The following FAM114A2 variants were observed in gnomAD, a reference collection of about 807,000 sequenced individuals.
The protein encoded by FAM114A2 is family with sequence similarity 114 member A2.
FAM114A2 carries 53 observed loss-of-function variants against 58.4 expected under a neutral mutation model. That is an observed-to-expected ratio of 0.91 (90% CI 0.73 to 1.14). FAM114A2 has a LOEUF of 1.14. FAM114A2 is among the 50% of genes most tolerant of loss of function. The pLI, the probability that FAM114A2 is intolerant of heterozygous loss-of-function variation, is 0.00. For synonymous variants in FAM114A2, 228 were observed against 211.4 expected, an observed-to-expected ratio of 1.08 and a Z score of -0.68; for missense variants, 601 against 581.1, an observed-to-expected ratio of 1.03 and a Z score of -0.35.
rs1201071168 is a variant in FAM114A2, at chr5:154,002,734, A to G, written c.1116+113T>C. The G allele has an allele frequency of 1.0e-5, 11 of 1,073,838 alleles. No homozygotes were observed. In the Admixed American group the frequency reaches 2.1e-4, roughly 20 times the overall value. 66.5% of individuals were successfully genotyped at this position (1,073,838 alleles called of 1,614,324 possible). ...TGGATCTAAGATGCTACAATCCTAGATCACAAGGTTGAAATTACGGACAGC... is the reference window on the plus strand; with the variant it reads ...TGGATCTAAGATGCTACAATCCTAGGTCACAAGGTTGAAATTACGGACAGC... On this transcript the variant is annotated intron_variant, in intron 10 of 13. Coordinates refer to ENST00000351797, the MANE Select transcript of FAM114A2 (RefSeq NM_018691.4).
At chr5:154,035,658 G>A (rs1005233597) in intron 1 of FAM114A2, among the ~76,000 whole-genome samples, 2 of 152,144 alleles carry the variant, frequency 1.3e-5, no homozygotes, top group Non-Finnish European at 2.9e-5. Flanking sequence ...TTCATGTATA[G>A]GTTTTTGGGG....
intron 4 of FAM114A2, among the ~76,000 whole-genome samples, chr5:154,032,536 C>T (rs981250563): frequency 3.3e-5 from 5 of 152,144 alleles, no homozygotes; most frequent in African/African-American, 4.8e-5. Context: ...ATGCCCAAAA[C>T]GCACTCTCTC....
intron 8 of FAM114A2, among the ~76,000 whole-genome samples, chr5:154,015,096 T>C (rs973696064): frequency 3.9e-5 from 6 of 152,096 alleles, no homozygotes; most frequent in African/African-American, 9.7e-5. Flanking sequence ...CATAACTCCA[T>C]TGACCTGGAC....
At chr5:154,035,236 A>T (rs913787860) in intron 1 of FAM114A2, among the ~76,000 whole-genome samples, 6 of 152,138 alleles carry the variant, frequency 3.9e-5, no homozygotes, top group Non-Finnish European at 7.4e-5. Context: ...GTTCTATAAA[A>T]TTTTATCGCA....
chr5:154,011,399 G>A (rs1036269546), intron 8 of FAM114A2, 79 bp from the exon 9 acceptor site: 59 of 892,918 alleles, frequency 6.6e-5, no homozygotes, highest in Non-Finnish European at 1.1e-4. Context: ...AGGAAGAGGA[G>A]AGGAGTGGTA....
At chr5:154,004,298 T>C (rs1007619371) in intron 9 of FAM114A2, among the ~76,000 whole-genome samples, 1 of 152,204 alleles carries the variant, frequency 6.6e-6, no homozygotes, top group African/African-American at 2.4e-5. Flanking sequence ...CAGTATCTTT[T>C]ATATATTGAT....
chr5:154,003,594 T>C (rs1332383246), intron 9 of FAM114A2, among the ~76,000 whole-genome samples: 5 of 152,188 alleles, frequency 3.3e-5, no homozygotes, highest in African/African-American at 4.8e-5. Flanking sequence ...GATCAAGATA[T>C]AGAATATTTC....
rs1769207591 is a variant in FAM114A2 at position 153,990,381 on chromosome 5, T to A, written c.*2595A>T. The A allele has an allele frequency of 6.6e-6, 1 of 152,196 alleles. No individual in the cohort carries two copies. Among genetic ancestry groups the A allele is most frequent in the Middle Eastern group, 3.4e-3 (1 of 292 alleles). 9.4% of individuals were successfully genotyped at this position (152,196 alleles called of 1,614,324 possible). On this transcript the variant is annotated 3_prime_UTR_variant, in exon 14 of 14. Coordinates refer to ENST00000351797, the MANE Select transcript of FAM114A2 (RefSeq NM_018691.4). ...AACCCACAAGATCTTGTTCTTTGAT[T>A]ACAGGATTGAAAAATTCACATTTGT...
intron 3 of FAM114A2, among the ~76,000 whole-genome samples, 154 bp downstream of exon 3, chr5:154,034,124 G>GTA (rs1390584016): frequency 6.6e-6 from 1 of 152,172 alleles, no homozygotes; most frequent in Non-Finnish European, 1.5e-5. Context: ...TCTAGTGGCA[G>GTA]TATATATCAG....
rs1021636379 is a variant in FAM114A2, at chr5:154,011,263, G to T, written c.971C>A (p.Ser324Tyr). ...TELFSQLHVS[S>Y]KPEKLARARN... ...TACCCTGGCAAGTTTCTCTGGTTTG[G>T]AGGAAACGTGCAGCTGGGAAAACAG... The change falls in exon 9 of 14, where the codon TCC becomes TAC. Residue 324 changes from serine (S) to tyrosine (Y), a missense_variant. Coordinates refer to ENST00000351797, the MANE Select transcript of FAM114A2 (RefSeq NM_018691.4). The T allele has an allele frequency of 1.9e-6, 3 of 1,611,746 alleles. No homozygotes were observed. Among genetic ancestry groups the T allele is most frequent in the Non-Finnish European group, 2.5e-6 (3 of 1,178,656 alleles).
chr5:154,029,093 T>C (rs1349441151), intron 5 of FAM114A2, among the ~76,000 whole-genome samples: 4 of 152,242 alleles, frequency 2.6e-5, no homozygotes, highest in African/African-American at 9.6e-5. Flanking sequence ...TTTTTAATCA[T>C]ACATAGTTTT....
chr5:154,016,043 G>T (rs879699326), intron 8 of FAM114A2, among the ~76,000 whole-genome samples: 2 of 151,938 alleles, frequency 1.3e-5, no homozygotes, highest in Admixed American at 6.6e-5. Flanking sequence ...CATAGACAAG[G>T]CCTTCAAATT....
chr5:154,021,526 A>G (rs934922062), intron 8 of FAM114A2, among the ~76,000 whole-genome samples: 43 of 152,248 alleles, frequency 2.8e-4, no homozygotes, highest in African/African-American at 1.0e-3. Flanking sequence ...GAGCCAAATC[A>G]TGAGTGAACT....
intron 12 of FAM114A2, among the ~76,000 whole-genome samples, chr5:153,996,656 T>C (rs1409074049): frequency 1.3e-5 from 2 of 151,598 alleles, no homozygotes; most frequent in African/African-American, 4.8e-5. Context: ...GAAATAGATA[T>C]TTCTCCAGAG....
In FAM114A2 at chr5:154,011,270, C is replaced by T. The variant is rs767786508; in HGVS notation, c.964G>A (p.Val322Ile). 5.6e-6 allele frequency: 9 copies of T among 1,611,824 alleles called. No individual in the cohort carries two copies. The highest frequency in any genetic ancestry group is 4.5e-5 in the East Asian group (2 of 44,828). The part of the protein sequence containing the change: ...DITELFSQLH[V>I]SSKPEKLARA... ...GCAAGTTTCTCTGGTTTGGAGGAAA[C>T]GTGCAGCTGGGAAAACAGCTCTGTT... Residue 322 changes from valine to isoleucine, a missense_variant, in exon 9 of 14, where the codon GTT (valine) becomes ATT (isoleucine). By Grantham distance (29) the Val-to-Ile change is conservative. Coordinates refer to ENST00000351797, the MANE Select transcript of FAM114A2 (RefSeq NM_018691.4).
chr5:154,025,492 A>G (rs1175710614), intron 8 of FAM114A2, among the ~76,000 whole-genome samples: 1 of 152,162 alleles, frequency 6.6e-6, no homozygotes, highest in Non-Finnish European at 1.5e-5. Flanking sequence ...ATTATGATGC[A>G]GAGTTCTGAC....
chr5:154,030,107 A>G (rs59600614), intron 4 of FAM114A2, among the ~76,000 whole-genome samples: 5,703 of 152,300 alleles, frequency 0.037, 272 homozygotes, highest in African/African-American at 0.11. Flanking sequence ...AGAAGTATAT[A>G]TACTGATCAA....
chr5:153,991,011 A>C lies in FAM114A2; in HGVS notation c.*1965T>G, dbSNP rs1009352391. ...TTCTTTTTCAGTATATTTTATGTGA[A>C]GAGTAGACAATTGTTACTCAGAATT... On this transcript the variant is annotated 3_prime_UTR_variant, in exon 14 of 14. Transcript: ENST00000351797. 5 of 152,102 alleles carry C rather than the reference A, an allele frequency of 3.3e-5. No individual in the cohort carries two copies. The highest frequency in any genetic ancestry group is 5.9e-5 in the Non-Finnish European group (4 of 68,030). The allele number at this position is 152,102 out of a possible 1,614,324, so 9.4% of individuals were successfully genotyped here. A position where few individuals can be genotyped will look rare whatever the true frequency, so the allele number is the denominator to read the frequency against.
intron 2 of FAM114A2, 61 bp downstream of exon 2, chr5:154,034,683 C>G: frequency 8.0e-7 from 1 of 1,253,236 alleles, no homozygotes; most frequent in Non-Finnish European, 1.2e-6. Context: ...TCTTTTAGCC[C>G]CAACATTTTT....
Sources: allele counts gnomAD v4.1 joint callset (sites outside exome capture counted in the v4.1 genomes callset), GRCh38; gene constraint gnomAD v4.1.1; transcripts MANE v1.5; gene names NCBI Gene and HGNC (gene_info 2026-07-23, HGNC 2026-07-21).